The following USP40 variants were observed in gnomAD, a reference collection of about 807,000 sequenced individuals.
USP40 encodes ubiquitin carboxyl-terminal hydrolase 40.
Under a neutral mutation model 166.2 loss-of-function variants are expected in USP40, and 143 were observed. The observed-to-expected ratio is 0.86, with a 90% confidence interval of 0.75 to 0.99. The LOEUF (loss-of-function observed/expected upper bound fraction) is 0.99, where lower values mean the gene tolerates loss of function less well. USP40 is among the 50% of genes least tolerant of loss of function. The pLI, the probability that USP40 is intolerant of heterozygous loss-of-function variation, is 0.00. For missense variants in USP40, 1,444 were observed against 1,479.7 expected, an observed-to-expected ratio of 0.98 and a Z score of 0.40; for synonymous variants, 498 against 524.0, an observed-to-expected ratio of 0.95 and a Z score of 0.68.
At chr2:233,521,226 G>C (rs2067629531) in intron 16 of USP40, 112 bp from the exon 17 acceptor site, 2 of 1,257,088 alleles carry the variant, frequency 1.6e-6, no homozygotes, top group Non-Finnish European at 2.1e-6. Context: ...GTTCTACTGA[G>C]TCGTCTCTAT....
chr2:233,528,274 C>T (rs559269420), intron 12 of USP40, among the ~76,000 whole-genome samples: 2 of 152,102 alleles, frequency 1.3e-5, no homozygotes, highest in Non-Finnish European at 2.9e-5. Flanking sequence ...CCACTGCGAC[C>T]GGCCCCATGA....
At chr2:233,479,154 G>C (rs2064372116) in intron 31 of USP40, among the ~76,000 whole-genome samples, 2 of 152,204 alleles carry the variant, frequency 1.3e-5, no homozygotes, top group African/African-American at 4.8e-5. Flanking sequence ...TGACAATGGA[G>C]CTCCCAGGGC....
intron 11 of USP40, 33 bp downstream of exon 11, chr2:233,533,446 C>T (rs1328346093): frequency 6.3e-7 from 1 of 1,582,240 alleles, no homozygotes; most frequent in Non-Finnish European, 8.6e-7. Flanking sequence ...AAGCCATTAA[C>T]TGAAACAAAT....
In USP40 at chr2:233,521,083, T is replaced by C. The variant is rs1395076489; in HGVS notation, c.2233A>G (p.Ser745Gly). 6.2e-7 allele frequency: 1 copy of C among 1,608,140 alleles called. No homozygotes were observed. Among genetic ancestry groups the C allele is most frequent in the Admixed American group, 1.7e-5 (1 of 59,426 alleles). ...TGGAGCCAGTCAATCTCATTCATAC[T>C]AGTGACCCATTTCTCTTCCTTGGTC... is the stretch of plus-strand genomic sequence containing the variant. ...LLTKEEKWVT[S>G]MNEIDWLHVK... Residue 745 changes from serine (S) to glycine (G), a missense_variant, in exon 17 of 32, where the codon AGT becomes GGT. Transcript: ENST00000678225.
At position 233,566,310 on chromosome 2, in the gene USP40, T is replaced by C. The variant is rs4663710; in HGVS notation, c.-20+374A>G. Among the ~76,000 whole-genome samples the C allele has an allele frequency of 6.4e-3, 974 of 152,266 alleles. 28 individuals carry two copies. The highest frequency in any genetic ancestry group is 0.046 in the Admixed American group (705 of 15,294). On this transcript the variant is annotated intron_variant, in intron 1 of 31. Transcript: ENST00000678225. ...CACATCGAGTGTGGCGGAGGGTCAC[T>C]TGGAGATGAGAAACGTAAAGCGCCT... is the stretch of plus-strand genomic sequence containing the variant.
Position 233,521,090 on chromosome 2 carries a change from C to A in USP40, c.2226G>T (p.Trp742Cys). Residue 742 changes from tryptophan to cysteine, a missense_variant, in exon 17 of 32, where the codon TGG becomes TGT. Transcript: ENST00000678225. ...DNSLLTKEEK[W>C]VTSMNEIDWL... ...AGTCAATCTCATTCATACTAGTGAC[C>A]CATTTCTCTTCCTTGGTCAACAAGC... is the stretch of plus-strand genomic sequence containing the variant. 1 of 1,566,632 alleles carries A rather than the reference C, an allele frequency of 6.4e-7. No individual in the cohort carries two copies. The highest frequency in any genetic ancestry group is 1.7e-4 in the Middle Eastern group (1 of 5,962).
chr2:233,526,494 A>C (rs939823313), intron 13 of USP40, among the ~76,000 whole-genome samples: 25 of 152,332 alleles, frequency 1.6e-4, no homozygotes, highest in African/African-American at 5.5e-4. Flanking sequence ...AAAAACTTCA[A>C]ATCAACTAAG....
intron 3 of USP40, chr2:233,561,092 T>C: frequency 6.7e-7 from 1 of 1,491,100 alleles, no homozygotes; most frequent in Non-Finnish European, 9.1e-7. Context: ...AACAAGCCAC[T>C]TAATTCCTTC....
intron 8 of USP40, among the ~76,000 whole-genome samples, chr2:233,543,536 G>A (rs898668349): frequency 5.2e-4 from 79 of 152,180 alleles, no homozygotes; most frequent in Admixed American, 4.6e-4. Flanking sequence ...GTATTAAGAG[G>A]TGGGGTCTTC....
In USP40 at chr2:233,549,249, AAATAT is replaced by A. The variant is rs769740371; in HGVS notation, c.838-25_838-21del. 1.3e-5 allele frequency: 17 copies of A among 1,300,344 alleles called. No homozygotes were observed. Among genetic ancestry groups the A allele is most frequent in the Non-Finnish European group, 1.7e-5 (16 of 955,546 alleles). The allele number at this position is 1,300,344 out of a possible 1,614,324, so 80.6% of individuals were successfully genotyped here. ...TTCACTCTAAAAGAAAAAAGAACAA[AAATAT>A]TGATATAGTTTTCATAAAATGCTGA... is the stretch of plus-strand genomic sequence containing the variant. On this transcript the variant is annotated intron_variant, in intron 7 of 31. Coordinates refer to ENST00000678225, the MANE Select transcript of USP40 (RefSeq NM_001365479.2).
chr2:233,566,742 C>T lies in USP40; in HGVS notation c.-78G>A. ...CGCGAAGCGAACGAACCCGCCCCAACTGGGCGCCGCCATGTTGGCGAGGGC... is the reference window on the plus strand; with the variant it reads ...CGCGAAGCGAACGAACCCGCCCCAATTGGGCGCCGCCATGTTGGCGAGGGC... On this transcript the variant is annotated 5_prime_UTR_variant, in exon 1 of 32. Coordinates refer to ENST00000678225, the MANE Select transcript of USP40 (RefSeq NM_001365479.2). 1 of 985,976 alleles carries T rather than the reference C, an allele frequency of 1.0e-6. No homozygotes were observed. Among genetic ancestry groups the T allele is most frequent in the Non-Finnish European group, 1.2e-6 (1 of 829,990 alleles). The allele number at this position is 985,976 out of a possible 1,614,324, so 61.1% of individuals were successfully genotyped here. A position where few individuals can be genotyped will look rare whatever the true frequency, so the allele number is the denominator to read the frequency against.
chr2:233,518,526 C>T (rs983039527), intron 18 of USP40, among the ~76,000 whole-genome samples: 3 of 143,044 alleles, frequency 2.1e-5, no homozygotes, highest in African/African-American at 7.9e-5. Flanking sequence ...GAGATCGTGT[C>T]ACTGCACTCC....
chr2:233,523,848 C>T (rs148415910), intron 15 of USP40, among the ~76,000 whole-genome samples: 1 of 152,230 alleles, frequency 6.6e-6, no homozygotes, highest in East Asian at 1.9e-4. Flanking sequence ...CACTCCCCAA[C>T]TCAGTATAGA....
At chr2:233,532,473 C>T (rs1255989451) in intron 11 of USP40, among the ~76,000 whole-genome samples, 1 of 152,184 alleles carries the variant, frequency 6.6e-6, no homozygotes, top group Non-Finnish European at 1.5e-5. Flanking sequence ...TGGGAAACTT[C>T]TAGGGGATAT....
intron 13 of USP40, among the ~76,000 whole-genome samples, chr2:233,526,159 G>C (rs554833603): frequency 6.6e-6 from 1 of 152,132 alleles, no homozygotes; most frequent in South Asian, 2.1e-4. Flanking sequence ...ATACCATAAG[G>C]TATTTTCTTA....
In USP40 at chr2:233,560,691, G is replaced by A. The variant is rs58670791; in HGVS notation, c.268-767C>T. 9.9e-5 allele frequency: 25 copies of A among 252,558 alleles called. 1 individual carries two copies. The East Asian group carries it at 1.6e-3, about 16-fold the overall frequency. The allele number at this position is 252,558 out of a possible 1,614,324, so 15.6% of individuals were successfully genotyped here. On this transcript the variant is annotated intron_variant, in intron 3 of 31. Transcript: ENST00000678225. ...TTTTGAGTTATGTTTAAGCAGGGAG[G>A]AACATGATTAGATATGCACTTTAAA...
Position 233,566,725 on chromosome 2 carries a change from G to C in USP40, c.-61C>G, listed in dbSNP as rs377485271. On this transcript the variant is annotated 5_prime_UTR_variant, in exon 1 of 32. Transcript: ENST00000678225. ...CCCCGCCCTGGCCAAAACGCGAAGC[G>C]AACGAACCCGCCCCAACTGGGCGCC... 8 of 985,996 alleles carry C rather than the reference G, an allele frequency of 8.1e-6. No individual in the cohort carries two copies. In the East Asian group the frequency reaches 5.7e-4, roughly 70 times the overall value. 61.1% of individuals were successfully genotyped at this position (985,996 alleles called of 1,614,324 possible).
intron 21 of USP40, among the ~76,000 whole-genome samples, chr2:233,503,844 T>C (rs576334210): frequency 6.3e-4 from 96 of 152,254 alleles, no homozygotes; most frequent in African/African-American, 2.3e-3. Context: ...AACTCACAAG[T>C]ATAGGTAAAT....
chr2:233,480,588 G>C lies in USP40; in HGVS notation c.3599+615C>G, dbSNP rs538923189. Among the ~76,000 whole-genome samples, 81 of 152,394 alleles carry C rather than the reference G, an allele frequency of 5.3e-4. 1 individual carries two copies. Among genetic ancestry groups the C allele is most frequent in the Admixed American group, 1.8e-3 (28 of 15,310 alleles). Reference sequence around the variant, plus strand: ...GCAGCACCTGCTTCCTCCAGTGGCAGTAAGTGCAGAGCCAGACAACGGCAG... The same window carrying C: ...GCAGCACCTGCTTCCTCCAGTGGCACTAAGTGCAGAGCCAGACAACGGCAG... On this transcript the variant is annotated intron_variant, in intron 31 of 31. Coordinates refer to ENST00000678225, the MANE Select transcript of USP40 (RefSeq NM_001365479.2). This position sits in a 1 kb window ranked among gnomAD's most constrained non-coding sequence, Gnocchi z 4.5.
Sources: gnomAD v4.1 joint callset for allele counts (sites outside exome capture counted in the v4.1 genomes callset) on GRCh38, gnomAD v4.1.1 for gene constraint, Gnocchi (gnomAD v3.1) non-coding constraint, MANE v1.5 for transcripts, NCBI Gene and HGNC (gene_info 2026-07-23, HGNC 2026-07-21) for gene names.